The following VAMP4 variants were observed in gnomAD, a reference collection of about 807,000 sequenced individuals.
VAMP4 encodes the protein vesicle-associated membrane protein 4.
VAMP4 carries 19 observed loss-of-function variants against 23.5 expected under a neutral mutation model. The ratio of observed to expected loss-of-function variants is 0.81; its 90% CI spans 0.56 to 1.19. The LOEUF is 1.19. Ranked by LOEUF, VAMP4 falls within the 50% of genes most tolerant of loss-of-function variation. The pLI is 0.00. For synonymous variants in VAMP4, 31 were observed against 51.0 expected, an observed-to-expected ratio of 0.61 and a Z score of 1.67; for missense variants, 145 against 168.6, an observed-to-expected ratio of 0.86 and a Z score of 0.78.
At chr1:171,724,441 G>A (rs940157162) in intron 3 of VAMP4, among the ~76,000 whole-genome samples, 2 of 152,034 alleles carry the variant, frequency 1.3e-5, no homozygotes, top group African/African-American at 4.8e-5. Context: ...CCTGCACACT[G>A]TGCACATGTA....
rs1189816757 is a variant in VAMP4 at position 171,704,056 on chromosome 1, T to C, written c.*450A>G. ...CAACTGTAATATGAAAGGAACTATA[T>C]TTCTGCAAATATTGACAGAATGGTT... On this transcript the variant is annotated 3_prime_UTR_variant, in exon 8 of 8. Coordinates refer to ENST00000236192, the MANE Select transcript of VAMP4 (RefSeq NM_003762.5). 1 of 152,614 alleles carries C rather than the reference T, an allele frequency of 6.6e-6. No individual in the cohort carries two copies. The highest frequency in any genetic ancestry group is 2.4e-5 in the African/African-American group (1 of 41,458). The allele number at this position is 152,614 out of a possible 1,614,324, so 9.5% of individuals were successfully genotyped here. A position where few individuals can be genotyped will look rare whatever the true frequency, so the allele number is the denominator to read the frequency against.
intron 4 of VAMP4, among the ~76,000 whole-genome samples, chr1:171,711,701 A>G (rs991121732): frequency 4.6e-5 from 7 of 152,182 alleles, no homozygotes; most frequent in African/African-American, 1.7e-4. Flanking sequence ...ATTTTAAATT[A>G]CTTTACGAAA....
chr1:171,714,129 T>A (rs1654951698), intron 4 of VAMP4, among the ~76,000 whole-genome samples: 1 of 152,212 alleles, frequency 6.6e-6, no homozygotes, highest in African/African-American at 2.4e-5. Flanking sequence ...TAAAATCTCA[T>A]GATTGTTTTT....
At chr1:171,740,025 T>C (rs1275622688) in intron 1 of VAMP4, among the ~76,000 whole-genome samples, 2 of 152,270 alleles carry the variant, frequency 1.3e-5, no homozygotes, top group South Asian at 2.1e-4. Flanking sequence ...TGTTTTACTA[T>C]GTGCTAGGCA....
intron 4 of VAMP4, among the ~76,000 whole-genome samples, chr1:171,715,388 C>T (rs1020343185): frequency 6.6e-5 from 10 of 152,106 alleles, no homozygotes; most frequent in African/African-American, 2.4e-4. Flanking sequence ...TCTGAAATGG[C>T]TCTATTCTAA....
chr1:171,739,923 A>G (rs1314193590), intron 1 of VAMP4, among the ~76,000 whole-genome samples: 1 of 152,168 alleles, frequency 6.6e-6, no homozygotes, highest in Non-Finnish European at 1.5e-5. Context: ...TTTTTGCGAA[A>G]AAGTTCTTCT....
chr1:171,715,745 A>G (rs1359266034), intron 4 of VAMP4, among the ~76,000 whole-genome samples: 7 of 152,160 alleles, frequency 4.6e-5, no homozygotes. Context: ...GCAGTGGCTC[A>G]CACCTGCAAT....
intron 2 of VAMP4, among the ~76,000 whole-genome samples, chr1:171,729,800 C>T (rs931446565): frequency 1.3e-5 from 2 of 152,214 alleles, no homozygotes; most frequent in Non-Finnish European, 1.5e-5. Context: ...GCTGGGACTA[C>T]AGGCGCATGC....
chr1:171,726,317 T>C (rs367867047), intron 3 of VAMP4, among the ~76,000 whole-genome samples: 2 of 152,154 alleles, frequency 1.3e-5, no homozygotes, highest in African/African-American at 2.4e-5. Flanking sequence ...CCCAAAGAGG[T>C]GGGATTACAG....
At chr1:171,729,566 G>A (rs539159477) in intron 2 of VAMP4, among the ~76,000 whole-genome samples, 1 of 152,276 alleles carries the variant, frequency 6.6e-6, no homozygotes, top group African/African-American at 2.4e-5. Flanking sequence ...GAGCATTTTG[G>A]ATTTTCAGAT....
chr1:171,738,522 T>C, intron 1 of VAMP4, 59 bp from the exon 2 acceptor site: 1 of 1,074,676 alleles, frequency 9.3e-7, no homozygotes, highest in Non-Finnish European at 1.4e-6. Context: ...CTAATGTACT[T>C]AAAACAGTGT....
intron 2 of VAMP4, among the ~76,000 whole-genome samples, chr1:171,730,858 C>T (rs1655538613): frequency 6.6e-6 from 1 of 152,046 alleles, no homozygotes; most frequent in Non-Finnish European, 1.5e-5. Flanking sequence ...CAATGAATAT[C>T]ACTATATCTA....
At chr1:171,720,722 A>C (rs935625314) in intron 3 of VAMP4, among the ~76,000 whole-genome samples, 2 of 152,066 alleles carry the variant, frequency 1.3e-5, no homozygotes, top group African/African-American at 4.8e-5. Flanking sequence ...CAATTCTACC[A>C]AACATTTAAT....
intron 6 of VAMP4, among the ~76,000 whole-genome samples, chr1:171,707,523 T>C (rs1210325122): frequency 6.6e-6 from 1 of 152,040 alleles, no homozygotes; most frequent in Admixed American, 6.6e-5. Context: ...CCTTCTGAAA[T>C]TACCATTATG....
chr1:171,726,883 T>G (rs1655388078), intron 3 of VAMP4, among the ~76,000 whole-genome samples: 1 of 152,006 alleles, frequency 6.6e-6, no homozygotes, highest in African/African-American at 2.4e-5. Flanking sequence ...AGTTATAGAT[T>G]TGTAGTAAAT....
At chr1:171,709,889 C>T (rs1654792761) in intron 5 of VAMP4, 145 bp from the exon 6 acceptor site, 3 of 611,372 alleles carry the variant, frequency 4.9e-6, no homozygotes, top group South Asian at 4.3e-5. Context: ...CCCTTTTTTC[C>T]ACCCACAAAC....
intron 6 of VAMP4, among the ~76,000 whole-genome samples, chr1:171,708,713 C>CA (rs915412080): frequency 4.8e-4 from 66 of 136,178 alleles, no homozygotes; most frequent in African/African-American, 1.2e-3. Context: ...AAAAAAAAAA[C>CA]AAAAAAAACA....
At chr1:171,730,535 C>G (rs1478910875) in intron 2 of VAMP4, among the ~76,000 whole-genome samples, 1 of 152,074 alleles carries the variant, frequency 6.6e-6, no homozygotes, top group Non-Finnish European at 1.5e-5. Context: ...TGCCAATATG[C>G]TCATCTTGAT....
In VAMP4 at chr1:171,704,543, G is replaced by T; in HGVS notation, c.398-9C>A. On this transcript the variant is annotated splice_polypyrimidine_tract_variant and intron_variant, in intron 7 of 7. Coordinates refer to ENST00000236192, the MANE Select transcript of VAMP4 (RefSeq NM_003762.5). ...TTTCATGACTATAAGAACTGTAAGA[G>T]AAAACATGAAAAAAGCAATATATCA... The T allele has an allele frequency of 6.4e-7, 1 of 1,570,810 alleles. No individual in the cohort carries two copies. The highest frequency in any genetic ancestry group is 8.6e-7 in the Non-Finnish European group (1 of 1,156,434).
Sources: gnomAD v4.1 joint callset for allele counts (sites outside exome capture counted in the v4.1 genomes callset) on GRCh38, gnomAD v4.1.1 for gene constraint, MANE v1.5 for transcripts, NCBI Gene and HGNC (gene_info 2026-07-23, HGNC 2026-07-21) for gene names.